PTPRM: variants seen among roughly 807,000 people sequenced by gnomAD.
PTPRM encodes the protein receptor-type tyrosine-protein phosphatase mu.
A neutral mutation model predicts 186.7 loss-of-function variants in PTPRM; 47 were observed. That is an observed-to-expected ratio of 0.25 (90% CI 0.20 to 0.32). The LOEUF (loss-of-function observed/expected upper bound fraction) is 0.32. Ranked by LOEUF, PTPRM falls within the 10% of genes least tolerant of loss-of-function variation. PTPRM has a pLI of 1.00. For missense variants in PTPRM, 1,494 were observed against 1,865.0 expected (o/e 0.80, Z 3.66); for synonymous variants, 668 against 674.9 (o/e 0.99, Z 0.16).
intron 23 of PTPRM, among the ~76,000 whole-genome samples, chr18:8,367,915 A>G (rs1166358021): frequency 6.6e-6 from 1 of 152,222 alleles, no homozygotes; most frequent in Non-Finnish European, 1.5e-5. Flanking sequence ...GTAATTAGTA[A>G]AATCATTTTT....
chr18:7,895,541 C>T lies in PTPRM; in HGVS notation c.468+7164C>T, dbSNP rs146601581. ...AGGTTCTGTGAGGGTCCGTGCAGTT[C>T]TCCCTTCCCTGGACTTGTTTGACTG... On this transcript the variant is annotated intron_variant, in intron 3 of 32. Coordinates refer to ENST00000580170, the MANE Select transcript of PTPRM (RefSeq NM_001105244.2). 4.9e-4 allele frequency among the ~76,000 whole-genome samples: 74 copies of T among 152,282 alleles called. 1 individual carries two copies. In the East Asian group the frequency reaches 0.013, roughly 27 times the overall value.
At chr18:7,945,188 T>G (rs946608314) in intron 5 of PTPRM, among the ~76,000 whole-genome samples, 1 of 151,580 alleles carries the variant, frequency 6.6e-6, no homozygotes, top group African/African-American at 2.4e-5. Flanking sequence ...GCGTGGTGGC[T>G]CACGCCTGTA....
chr18:8,176,156 A>T (rs894297928), intron 14 of PTPRM, among the ~76,000 whole-genome samples: 1 of 152,200 alleles, frequency 6.6e-6, no homozygotes, highest in Non-Finnish European at 1.5e-5. Context: ...GGGAAAATTC[A>T]TCCAGTATTT....
At chr18:7,780,604 G>A (rs543719201) in intron 2 of PTPRM, among the ~76,000 whole-genome samples, 23 of 152,246 alleles carry the variant, frequency 1.5e-4, no homozygotes, top group African/African-American at 4.3e-4. Context: ...ATAGCTGTTC[G>A]TGGAACGACT....
At chr18:8,181,115 G>A (rs1038173351) in intron 14 of PTPRM, among the ~76,000 whole-genome samples, 14 of 152,096 alleles carry the variant, frequency 9.2e-5, no homozygotes, top group South Asian at 4.1e-4. Context: ...CTACATGTCC[G>A]ACACTGTTCT....
At chr18:8,183,133 T>A (rs904887735) in intron 14 of PTPRM, among the ~76,000 whole-genome samples, 1 of 152,216 alleles carries the variant, frequency 6.6e-6, no homozygotes, top group African/African-American at 2.4e-5. Context: ...TCATTGTAAG[T>A]CATGGACTTC....
At chr18:7,801,121 T>G (rs1430946425) in intron 2 of PTPRM, among the ~76,000 whole-genome samples, 1 of 152,142 alleles carries the variant, frequency 6.6e-6, no homozygotes, top group East Asian at 1.9e-4. Context: ...TTAAAAATAT[T>G]TTCTTCAATA....
chr18:7,972,904 T>TTTACACA lies in PTPRM; in HGVS notation c.1132+17490_1132+17491insTTACACA, dbSNP rs753132279. Among the ~76,000 whole-genome samples the TTTACACA allele has an allele frequency of 4.0e-3, 609 of 152,284 alleles. 4 individuals are homozygous for TTTACACA. Among genetic ancestry groups the TTTACACA allele is most frequent in the Non-Finnish European group, 7.1e-3 (482 of 68,022 alleles). On this transcript the variant is annotated intron_variant, in intron 7 of 32. Coordinates refer to ENST00000580170, the MANE Select transcript of PTPRM (RefSeq NM_001105244.2). ...ATTTAGGTGTGTAAATATCAATATA[T>TTTACACA]GTCCTCAGTCCCTTCCTTACTAATT...
At chr18:8,185,815 A>G (rs1007653400) in intron 14 of PTPRM, among the ~76,000 whole-genome samples, 2 of 152,236 alleles carry the variant, frequency 1.3e-5, no homozygotes, top group African/African-American at 4.8e-5. Context: ...CCTGGGTAAC[A>G]AGAATCTACA....
At chr18:8,038,041 G>T (rs976346919) in intron 7 of PTPRM, among the ~76,000 whole-genome samples, 18 of 152,084 alleles carry the variant, frequency 1.2e-4, no homozygotes, top group African/African-American at 4.3e-4. Context: ...GTCTTTTCAT[G>T]TTTATATCAC....
chr18:7,990,527 T>C (rs1487615216), intron 7 of PTPRM, among the ~76,000 whole-genome samples: 1 of 152,196 alleles, frequency 6.6e-6, no homozygotes, highest in Admixed American at 6.5e-5. Context: ...ATATAAAAAT[T>C]ATTCAATATT....
rs564796343 is a variant in PTPRM at position 8,164,681 on chromosome 18, G to A, written c.2300+20902G>A. 6.6e-5 allele frequency among the ~76,000 whole-genome samples: 10 copies of A among 152,314 alleles called. No homozygotes were observed. The South Asian group carries it at 2.1e-3, about 32-fold the overall frequency. On this transcript the variant is annotated intron_variant, in intron 14 of 32. Transcript: ENST00000580170. Reference sequence around the variant, plus strand: ...AGAGACAGAAAGTAGTATGGTAGCTGCCAGGGGCTTGGGGAAGAAGGCAAT... The same window carrying A: ...AGAGACAGAAAGTAGTATGGTAGCTACCAGGGGCTTGGGGAAGAAGGCAAT...
intron 2 of PTPRM, among the ~76,000 whole-genome samples, chr18:7,786,782 A>G (rs994917614): frequency 1.3e-5 from 2 of 152,194 alleles, no homozygotes; most frequent in Non-Finnish European, 2.9e-5. Context: ...ACAGGCTGCA[A>G]TTTGCCAGTA....
At chr18:8,331,910 A>T (rs2095414154) in intron 22 of PTPRM, among the ~76,000 whole-genome samples, 1 of 152,224 alleles carries the variant, frequency 6.6e-6, no homozygotes, top group Admixed American at 6.5e-5. Flanking sequence ...CGCCAGCTCC[A>T]CGTCTTGGTG....
chr18:7,710,113 A>G (rs2040180813), intron 1 of PTPRM, among the ~76,000 whole-genome samples: 1 of 152,192 alleles, frequency 6.6e-6, no homozygotes. Context: ...CTACAGACCA[A>G]TATCCCTGAT....
At chr18:8,024,796 A>AC in intron 7 of PTPRM, among the ~76,000 whole-genome samples, 1 of 147,538 alleles carries the variant, frequency 6.8e-6, no homozygotes, top group East Asian at 2.0e-4. Context: ...CAATCCTTCC[A>AC]CCTCAGCCCC....
At chr18:7,583,460 C>G (rs2036897586) in intron 1 of PTPRM, among the ~76,000 whole-genome samples, 5 of 152,154 alleles carry the variant, frequency 3.3e-5, no homozygotes, top group Admixed American at 3.3e-4. Flanking sequence ...TTGTCCCTGT[C>G]TGTTGGGTCC....
intron 7 of PTPRM, 117 bp from the exon 8 acceptor site, chr18:8,069,569 G>T: frequency 2.3e-6 from 2 of 886,590 alleles, no homozygotes; most frequent in South Asian, 1.9e-5. Context: ...TTATTATCCA[G>T]GAAGAAGAGG....
chr18:8,109,512 G>A (rs1275923637), intron 11 of PTPRM, among the ~76,000 whole-genome samples: 2 of 152,152 alleles, frequency 1.3e-5, no homozygotes, highest in Non-Finnish European at 1.5e-5. Context: ...GGAGTAGAGT[G>A]TATAATAGAA....
Sources: allele counts gnomAD v4.1 joint callset (sites outside exome capture counted in the v4.1 genomes callset), GRCh38; gene constraint gnomAD v4.1.1; transcripts MANE v1.5; gene names NCBI Gene and HGNC (gene_info 2026-07-23, HGNC 2026-07-21).